OPCML: variants seen among roughly 807,000 people sequenced by gnomAD.
OPCML encodes opioid binding protein/cell adhesion molecule like.
Under a neutral mutation model 37.8 loss-of-function variants are expected in OPCML, and 13 were observed. The observed-to-expected ratio is 0.34, with a 90% CI of 0.22 to 0.55. The LOEUF (loss-of-function observed/expected upper bound fraction) is 0.55. OPCML is among the 20% of genes least tolerant of loss of function. OPCML has a pLI of 0.91. For missense variants in OPCML, 341 were observed against 435.6 expected (o/e 0.78, Z 1.93); for synonymous variants, 176 against 168.8 (o/e 1.04, Z -0.33).
chr11:132,625,615 A>G (rs1939693315), intron 3 of OPCML, among the ~76,000 whole-genome samples: 2 of 152,178 alleles, frequency 1.3e-5, no homozygotes, highest in South Asian at 2.1e-4. Context: ...GTGCTTTCCT[A>G]TGTGCTAACA....
Position 133,402,394 on chromosome 11 carries a change from A to G in OPCML, c.61+129870T>C, listed in dbSNP as rs562432921. Among the ~76,000 whole-genome samples, 25 of 152,312 alleles carry G rather than the reference A, an allele frequency of 1.6e-4. 1 individual carries two copies. The highest frequency in any genetic ancestry group is 1.3e-3 in the Admixed American group (20 of 15,310). ...GCATCGGGGATTTAGTTTCCAAAACATAAACTTTGGGGAAGACATTCAAGC... is the reference window on the plus strand; with the variant it reads ...GCATCGGGGATTTAGTTTCCAAAACGTAAACTTTGGGGAAGACATTCAAGC... On this transcript the variant is annotated intron_variant, in intron 1 of 7. Coordinates refer to ENST00000524381, the MANE Select transcript of OPCML (RefSeq NM_001012393.5).
chr11:132,429,315 G>A (rs569331660), intron 7 of OPCML, among the ~76,000 whole-genome samples: 1 of 152,304 alleles, frequency 6.6e-6, no homozygotes, highest in South Asian at 2.1e-4. Context: ...GTGGCAAACC[G>A]ACAGGAGTTG....
intron 4 of OPCML, among the ~76,000 whole-genome samples, chr11:132,460,786 C>G (rs2096098818): frequency 6.6e-6 from 1 of 152,132 alleles, no homozygotes; most frequent in Non-Finnish European, 1.5e-5. Flanking sequence ...TACAAAATAT[C>G]ACATATACTA....
At chr11:133,473,036 C>T (rs1325779386) in intron 1 of OPCML, among the ~76,000 whole-genome samples, 1 of 152,116 alleles carries the variant, frequency 6.6e-6, no homozygotes, top group Non-Finnish European at 1.5e-5. Context: ...CATTTTCTGT[C>T]CCTGGGACTG....
intron 2 of OPCML, among the ~76,000 whole-genome samples, chr11:132,751,487 G>A (rs985957558): frequency 2.6e-5 from 4 of 152,208 alleles, no homozygotes; most frequent in Non-Finnish European, 5.9e-5. Flanking sequence ...TCTTTGTACT[G>A]GTGGACCAGA....
intron 2 of OPCML, among the ~76,000 whole-genome samples, chr11:132,755,660 G>T (rs138407415): frequency 1.3e-3 from 195 of 152,256 alleles, no homozygotes; most frequent in African/African-American, 4.3e-3. Context: ...GTCAAAGTCT[G>T]CTCATATTTT....
chr11:133,302,910 C>T (rs925531891), intron 1 of OPCML, among the ~76,000 whole-genome samples: 1 of 152,092 alleles, frequency 6.6e-6, no homozygotes, highest in Non-Finnish European at 1.5e-5. Flanking sequence ...ATCACACAAA[C>T]CTCTTCCTTT....
chr11:133,158,561 A>C (rs1001749838), intron 1 of OPCML, among the ~76,000 whole-genome samples: 1 of 151,688 alleles, frequency 6.6e-6, no homozygotes, highest in Admixed American at 6.6e-5. Flanking sequence ...TTAGTCAGGC[A>C]TGGTGGCGGG....
At chr11:133,275,941 T>C (rs1941980857) in intron 1 of OPCML, among the ~76,000 whole-genome samples, 1 of 152,204 alleles carries the variant, frequency 6.6e-6, no homozygotes, top group South Asian at 2.1e-4. Flanking sequence ...ACTGAATGTA[T>C]TCATTCAATG....
chr11:132,639,077 T>A (rs1481487846), intron 3 of OPCML, among the ~76,000 whole-genome samples: 2 of 152,134 alleles, frequency 1.3e-5, no homozygotes, highest in Admixed American at 1.3e-4. Context: ...CAAAGAGAGC[T>A]CTACACCCTT....
chr11:133,421,063 T>A, intron 1 of OPCML: 1 of 983,856 alleles, frequency 1.0e-6, no homozygotes, highest in Non-Finnish European at 1.2e-6. Context: ...CAATAATCAG[T>A]AGATTATTGG....
chr11:133,246,629 C>T (rs1301369333), intron 1 of OPCML, among the ~76,000 whole-genome samples: 2 of 152,122 alleles, frequency 1.3e-5, no homozygotes, highest in African/African-American at 4.8e-5. Flanking sequence ...CAGAGACATC[C>T]GGGGCAAACT....
At chr11:133,046,409 G>A (rs1025281501) in intron 1 of OPCML, among the ~76,000 whole-genome samples, 1 of 152,108 alleles carries the variant, frequency 6.6e-6, no homozygotes, top group Non-Finnish European at 1.5e-5. Context: ...CGCCCTTTCT[G>A]CCCGACACAC....
rs1949034509 is a variant in OPCML at position 133,098,303 on chromosome 11, C to T, written c.62-155293G>A. Among the ~76,000 whole-genome samples the T allele has an allele frequency of 4.0e-5, 6 of 150,952 alleles. 2 individuals are homozygous for T. Among genetic ancestry groups the T allele is most frequent in the African/African-American group, 1.5e-4 (6 of 40,844 alleles). ...CGATCTTGGCTCACTGCAAGCTCTG[C>T]CTCCCGCGTTCATGCCATTCTCCTG... On this transcript the variant is annotated intron_variant, in intron 1 of 7. Coordinates refer to ENST00000524381, the MANE Select transcript of OPCML (RefSeq NM_001012393.5).
intron 7 of OPCML, 54 bp downstream of exon 7, chr11:132,436,032 C>A: frequency 6.3e-7 from 1 of 1,581,246 alleles, no homozygotes; most frequent in Admixed American, 1.8e-5. Flanking sequence ...CTCCTGAGTC[C>A]CTCAAGCTTC....
At chr11:132,436,389 A>G in intron 6 of OPCML, 152 bp from the exon 7 acceptor site, 1 of 1,522,470 alleles carries the variant, frequency 6.6e-7, no homozygotes, top group Non-Finnish European at 8.7e-7. Flanking sequence ...GCTCTTGCCC[A>G]ATGGGATAAA....
chr11:132,988,235 C>T (rs1946714608), intron 1 of OPCML, among the ~76,000 whole-genome samples: 1 of 152,186 alleles, frequency 6.6e-6, no homozygotes, highest in East Asian at 1.9e-4. Flanking sequence ...CTGTGGTTTT[C>T]TCCTCCTCTG....
intron 1 of OPCML, among the ~76,000 whole-genome samples, chr11:133,425,216 G>T (rs1431732497): frequency 6.6e-6 from 1 of 152,126 alleles, no homozygotes; most frequent in African/African-American, 2.4e-5. Context: ...CCTCCTCATA[G>T]AAACACCTGC....
chr11:133,089,764 C>G lies in OPCML; in HGVS notation c.62-146754G>C, dbSNP rs574004611. Among the ~76,000 whole-genome samples the G allele has an allele frequency of 8.2e-5, 12 of 146,544 alleles. No individual in the cohort carries two copies. In the South Asian group the frequency reaches 2.5e-3, roughly 31 times the overall value. On this transcript the variant is annotated intron_variant, in intron 1 of 7. Coordinates refer to ENST00000524381, the MANE Select transcript of OPCML (RefSeq NM_001012393.5). ...GAGAAGGGGGGACTTCAACCAACCC[C>G]TAAAAAAAAAAACCCAGTGGCTTAT...
Sources: allele counts gnomAD v4.1 joint callset (sites outside exome capture counted in the v4.1 genomes callset), GRCh38; gene constraint gnomAD v4.1.1; transcripts MANE v1.5; gene names NCBI Gene and HGNC (gene_info 2026-07-23, HGNC 2026-07-21).